Variants in SEMA3E observed in about 807,000 individuals in gnomAD.
SEMA3E encodes the protein semaphorin 3E, also known as semaphorin-3E.
A neutral mutation model predicts 93.6 loss-of-function variants in SEMA3E; 49 were observed. That is an observed-to-expected ratio of 0.52 (90% CI 0.42 to 0.66). The LOEUF (loss-of-function observed/expected upper bound fraction) is 0.66, where lower values mean the gene tolerates loss of function less well. SEMA3E is among the 30% of genes least tolerant of loss of function. The pLI, the probability that SEMA3E is intolerant of heterozygous loss-of-function variation, is 0.00. For synonymous variants in SEMA3E, 363 were observed against 330.7 expected, an observed-to-expected ratio of 1.10 and a Z score of -1.06; for missense variants, 906 against 964.8, an observed-to-expected ratio of 0.94 and a Z score of 0.81.
At chr7:83,520,563 C>T (rs1037540359) in intron 1 of SEMA3E, among the ~76,000 whole-genome samples, 1 of 152,092 alleles carries the variant, frequency 6.6e-6, no homozygotes, top group African/African-American at 2.4e-5. Context: ...TGAGAACAAG[C>T]TCAAGACTGG....
At chr7:83,560,901 G>C (rs1294994049) in intron 1 of SEMA3E, among the ~76,000 whole-genome samples, 1 of 151,770 alleles carries the variant, frequency 6.6e-6, no homozygotes, top group Non-Finnish European at 1.5e-5. Flanking sequence ...TCAAACATAT[G>C]GATTGGGGTA....
chr7:83,391,064 A>C (rs1222459881), intron 14 of SEMA3E, among the ~76,000 whole-genome samples: 1 of 152,072 alleles, frequency 6.6e-6, no homozygotes, highest in East Asian at 1.9e-4. Context: ...TCGTGGTTAC[A>C]TTCACATTCT....
intron 4 of SEMA3E, among the ~76,000 whole-genome samples, chr7:83,455,247 A>G (rs1210992635): frequency 2.6e-5 from 4 of 152,344 alleles, no homozygotes. Flanking sequence ...GCAGCAGTCT[A>G]TATTCAAATG....
chr7:83,420,136 A>G (rs1584236719), intron 4 of SEMA3E, among the ~76,000 whole-genome samples: 2 of 152,330 alleles, frequency 1.3e-5, no homozygotes, highest in Middle Eastern at 6.8e-3. Context: ...AAATTTCTAT[A>G]CACATATAGC....
chr7:83,465,942 C>G (rs543996964), intron 4 of SEMA3E, among the ~76,000 whole-genome samples: 44 of 152,224 alleles, frequency 2.9e-4, no homozygotes, highest in African/African-American at 1.0e-3. Context: ...CACCTAGTGG[C>G]AAAGTCTTAG....
At chr7:83,642,564 G>C (rs1274605977) in intron 1 of SEMA3E, among the ~76,000 whole-genome samples, 2 of 151,990 alleles carry the variant, frequency 1.3e-5, no homozygotes, top group Admixed American at 1.3e-4. Context: ...TTCCTATCAT[G>C]AGTGCAAAGA....
intron 4 of SEMA3E, among the ~76,000 whole-genome samples, chr7:83,431,418 AATAAT>A (rs557679126): frequency 4.4e-4 from 67 of 152,194 alleles, no homozygotes; most frequent in African/African-American, 1.6e-3. Context: ...AAGTTAAAAA[AATAAT>A]ATAATATGAT....
At chr7:83,588,343 T>C (rs1476666297) in intron 1 of SEMA3E, among the ~76,000 whole-genome samples, 1 of 151,844 alleles carries the variant, frequency 6.6e-6, no homozygotes, top group African/African-American at 2.4e-5. Context: ...ACCGTGCCAC[T>C]GCACTCCAGC....
chr7:83,551,888 A>C (rs1791772521), intron 1 of SEMA3E, among the ~76,000 whole-genome samples: 1 of 152,098 alleles, frequency 6.6e-6, no homozygotes, highest in South Asian at 2.1e-4. Context: ...ACAATCAAAA[A>C]TGTCTCCAAA....
At chr7:83,568,736 C>T (rs1311759881) in intron 1 of SEMA3E, among the ~76,000 whole-genome samples, 1 of 152,002 alleles carries the variant, frequency 6.6e-6, no homozygotes, top group Non-Finnish European at 1.5e-5. Context: ...ATAATAAAGT[C>T]ACATCATGAC....
At chr7:83,540,106 C>T (rs1251351559) in intron 1 of SEMA3E, among the ~76,000 whole-genome samples, 1 of 152,164 alleles carries the variant, frequency 6.6e-6, no homozygotes, top group Non-Finnish European at 1.5e-5. Flanking sequence ...TGGTCCCGAA[C>T]TCCTGACCTC....
intron 4 of SEMA3E, among the ~76,000 whole-genome samples, chr7:83,418,959 GA>G (rs2115697172): frequency 1.3e-5 from 2 of 152,128 alleles, no homozygotes; most frequent in East Asian, 3.9e-4. Flanking sequence ...CTTATTGTGT[GA>G]TGCTGAAGTT....
At chr7:83,408,038 T>C (rs111615796) in intron 6 of SEMA3E, among the ~76,000 whole-genome samples, 101 of 152,260 alleles carry the variant, frequency 6.6e-4, no homozygotes, top group African/African-American at 2.4e-3. Flanking sequence ...TCAAAGATTA[T>C]ATCAATTGAT....
chr7:83,383,673 A>T (rs1787825576), intron 16 of SEMA3E, among the ~76,000 whole-genome samples: 1 of 152,028 alleles, frequency 6.6e-6, no homozygotes, highest in Non-Finnish European at 1.5e-5. Flanking sequence ...GGAGAAGTAG[A>T]TTATATCAAC....
chr7:83,602,590 G>A (rs558563778), intron 1 of SEMA3E, among the ~76,000 whole-genome samples: 2 of 151,792 alleles, frequency 1.3e-5, no homozygotes, highest in East Asian at 3.9e-4. Flanking sequence ...TGATTCTCCT[G>A]CCTCAGCCTC....
At chr7:83,507,212 C>T (rs1371881407) in intron 1 of SEMA3E, among the ~76,000 whole-genome samples, 1 of 152,074 alleles carries the variant, frequency 6.6e-6, no homozygotes, top group African/African-American at 2.4e-5. Context: ...AAGGTCACTA[C>T]CCCTATCTGG....
chr7:83,425,493 C>T (rs369354932), intron 4 of SEMA3E, among the ~76,000 whole-genome samples: 28 of 152,254 alleles, frequency 1.8e-4, no homozygotes, highest in Admixed American at 5.9e-4. Context: ...CTGTACTCTG[C>T]TGCAAAGAGT....
At chr7:83,505,165 C>A (rs1469163087) in intron 1 of SEMA3E, among the ~76,000 whole-genome samples, 3 of 152,064 alleles carry the variant, frequency 2.0e-5, no homozygotes, top group East Asian at 1.9e-4. Context: ...TCATAGATAA[C>A]CTTTGGGGGT....
At chr7:83,629,787 G>C (rs1793749015) in intron 1 of SEMA3E, among the ~76,000 whole-genome samples, 1 of 152,106 alleles carries the variant, frequency 6.6e-6, no homozygotes, top group African/African-American at 2.4e-5. Context: ...TTCCTTTCCA[G>C]GGGAGCGAAC....
Sources: gnomAD v4.1 joint callset for allele counts (sites outside exome capture counted in the v4.1 genomes callset) on GRCh38, gnomAD v4.1.1 for gene constraint, MANE v1.5 for transcripts, NCBI Gene and HGNC (gene_info 2026-07-23, HGNC 2026-07-21) for gene names.